The following BNC2 variants were observed in gnomAD, a reference collection of about 807,000 sequenced individuals.
BNC2 encodes the protein basonuclin zinc finger protein 2.
In BNC2, 20 loss-of-function variants were observed where a neutral mutation model predicts 76.3. The observed-to-expected ratio is 0.26, with a 90% CI of 0.18 to 0.38. BNC2 has a LOEUF of 0.38. Ranked by LOEUF, BNC2 falls within the 10% of genes least tolerant of loss-of-function variation. BNC2 has a pLI of 1.00. For synonymous variants in BNC2, 582 were observed against 514.8 expected (o/e 1.13, Z -1.77); for missense variants, 1,382 against 1,399.8 (o/e 0.99, Z 0.20).
At chr9:16,766,285 G>C (rs1825691536) in intron 1 of BNC2, among the ~76,000 whole-genome samples, 1 of 152,048 alleles carries the variant, frequency 6.6e-6, no homozygotes, top group Admixed American at 6.6e-5. Context: ...CTTTAATTGA[G>C]GTTAATTTCT....
chr9:16,690,574 T>C (rs1429287268), intron 3 of BNC2, among the ~76,000 whole-genome samples: 1 of 152,188 alleles, frequency 6.6e-6, no homozygotes, highest in Non-Finnish European at 1.5e-5. Context: ...TTATCCATTT[T>C]CAAGGATGGA....
chr9:16,781,164 G>A (rs1272538871), intron 1 of BNC2, among the ~76,000 whole-genome samples: 5 of 151,860 alleles, frequency 3.3e-5, no homozygotes, highest in Admixed American at 2.6e-4. Context: ...GTCCAGCCAC[G>A]TAACATTTTG....
chr9:16,487,277 C>G (rs535476393), intron 5 of BNC2, among the ~76,000 whole-genome samples: 3 of 151,890 alleles, frequency 2.0e-5, no homozygotes, highest in Non-Finnish European at 4.4e-5. Context: ...GTGGAGGGGG[C>G]GGGCAGTTCT....
chr9:16,596,564 G>C (rs1244131106), intron 3 of BNC2, among the ~76,000 whole-genome samples: 1 of 152,100 alleles, frequency 6.6e-6, no homozygotes, highest in African/African-American at 2.4e-5. Context: ...ATGGATACTG[G>C]CAAATTCTTT....
intron 3 of BNC2, among the ~76,000 whole-genome samples, chr9:16,724,991 T>G (rs4961494): frequency 0.19 from 29,498 of 152,060 alleles, 2,909 homozygotes; most frequent in East Asian, 0.24. Context: ...ATTTTATTCA[T>G]TTCATAAGCT....
At chr9:16,457,019 A>T (rs1164936009) in intron 5 of BNC2, among the ~76,000 whole-genome samples, 1 of 152,156 alleles carries the variant, frequency 6.6e-6, no homozygotes, top group Non-Finnish European at 1.5e-5. Flanking sequence ...AGAGAGAGAG[A>T]CAAAGAGAAC....
chr9:16,618,747 A>G (rs1053776874), intron 3 of BNC2, among the ~76,000 whole-genome samples: 2 of 152,108 alleles, frequency 1.3e-5, no homozygotes, highest in African/African-American at 2.4e-5. Context: ...TTCTCAGAAA[A>G]CCAATTAATT....
At chr9:16,840,167 C>T (rs1401241730) in intron 1 of BNC2, among the ~76,000 whole-genome samples, 1 of 152,066 alleles carries the variant, frequency 6.6e-6, no homozygotes, top group African/African-American at 2.4e-5. Context: ...AGAAAAAAAT[C>T]CAGACCTTGT....
At chr9:16,725,154 T>C (rs1331933365) in intron 3 of BNC2, among the ~76,000 whole-genome samples, 1 of 151,898 alleles carries the variant, frequency 6.6e-6, no homozygotes, top group Non-Finnish European at 1.5e-5. Context: ...TTGAAAGTAA[T>C]ACTCGTTTAA....
intron 3 of BNC2, among the ~76,000 whole-genome samples, chr9:16,602,349 A>G (rs1348833603): frequency 6.6e-6 from 1 of 152,242 alleles, no homozygotes. Context: ...AGATTTTCAT[A>G]GGTAACTTAG....
chr9:16,534,714 C>A (rs1353758321), intron 5 of BNC2, among the ~76,000 whole-genome samples: 1 of 152,096 alleles, frequency 6.6e-6, no homozygotes, highest in Non-Finnish European at 1.5e-5. Context: ...ATTTACTCAG[C>A]AGGAAGATGG....
chr9:16,610,030 T>G (rs2133412402), intron 3 of BNC2, among the ~76,000 whole-genome samples: 1 of 152,304 alleles, frequency 6.6e-6, no homozygotes, highest in South Asian at 2.1e-4. Context: ...CATTTGTATC[T>G]CATCCATATT....
intron 1 of BNC2, among the ~76,000 whole-genome samples, chr9:16,790,755 T>G (rs138523548): frequency 1.3e-5 from 2 of 151,708 alleles, no homozygotes; most frequent in Non-Finnish European, 2.9e-5. Context: ...TTTCACTAAG[T>G]GCTCCTAGCT....
intron 6 of BNC2, among the ~76,000 whole-genome samples, chr9:16,433,580 A>G (rs1293293454): frequency 2.0e-5 from 3 of 152,224 alleles, no homozygotes; most frequent in Admixed American, 6.5e-5. Context: ...TGCTATCAAT[A>G]AATGTTTTTC....
At chr9:16,526,803 C>T (rs1413611550) in intron 5 of BNC2, among the ~76,000 whole-genome samples, 6 of 152,054 alleles carry the variant, frequency 3.9e-5, no homozygotes, top group Non-Finnish European at 7.4e-5. Flanking sequence ...ACTCCCAGAA[C>T]GTGGATATAG....
intron 3 of BNC2, among the ~76,000 whole-genome samples, chr9:16,699,440 AAAG>A (rs1823442483): frequency 6.6e-6 from 1 of 152,212 alleles, no homozygotes. Context: ...GAAGAGTAAG[AAAG>A]AAGAGATTTC....
chr9:16,762,465 A>C (rs1825580654), intron 1 of BNC2, among the ~76,000 whole-genome samples: 1 of 152,230 alleles, frequency 6.6e-6, no homozygotes, highest in East Asian at 1.9e-4. Flanking sequence ...TCCACTTCAA[A>C]ACCCCTGGAT....
At position 16,429,673 on chromosome 9, in the gene BNC2, C is replaced by G. The variant is rs374548164; in HGVS notation, c.2639+5882G>C. ...ATATAGAAGCATTGTATTTGTGCAA[C>G]AGAGGTTATAATGCCACAAGAGACT... On this transcript the variant is annotated intron_variant, in intron 6 of 6. Coordinates refer to ENST00000380672, the MANE Select transcript of BNC2 (RefSeq NM_017637.6). 3.3e-5 allele frequency: 9 copies of G among 274,224 alleles called. No homozygotes were observed. The East Asian group carries it at 5.9e-4, about 18-fold the overall frequency. The allele number at this position is 274,224 out of a possible 1,614,324, so 17.0% of individuals were successfully genotyped here. A position where few individuals can be genotyped will look rare whatever the true frequency, so the allele number is the denominator to read the frequency against.
At chr9:16,491,079 C>T (rs1822269600) in intron 5 of BNC2, among the ~76,000 whole-genome samples, 1 of 152,024 alleles carries the variant, frequency 6.6e-6, no homozygotes, top group African/African-American at 2.4e-5. Flanking sequence ...GGTGGGTTCC[C>T]ACAGGGCATA....
Sources: gnomAD v4.1 joint callset for allele counts (sites outside exome capture counted in the v4.1 genomes callset) on GRCh38, gnomAD v4.1.1 for gene constraint, MANE v1.5 for transcripts, NCBI Gene and HGNC (gene_info 2026-07-23, HGNC 2026-07-21) for gene names.